Variants in HADHB observed in about 807,000 individuals in gnomAD.
The protein encoded by HADHB is hydroxyacyl-CoA dehydrogenase trifunctional multienzyme complex subunit beta.
HADHB carries 50 observed loss-of-function variants against 61.9 expected under a neutral mutation model. The observed-to-expected ratio is 0.81, with a 90% CI of 0.64 to 1.02. The LOEUF (loss-of-function observed/expected upper bound fraction) is 1.02, where lower values mean the gene tolerates loss of function less well. Ranked by LOEUF, HADHB falls within the 50% of genes least tolerant of loss-of-function variation. HADHB has a pLI of 0.00. For missense variants in HADHB, 504 were observed against 586.5 expected (o/e 0.86, Z 1.45); for synonymous variants, 191 against 201.6 (o/e 0.95, Z 0.45).
chr2:26,261,187 C>A, intron 3 of HADHB: 1 of 449,010 alleles, frequency 2.2e-6, no homozygotes, highest in Non-Finnish European at 4.0e-6. Context: ...TGTGGGATGT[C>A]CAAAACAACA....
intron 10 of HADHB, 110 bp downstream of exon 10, chr2:26,280,225 A>G (rs1574664600): frequency 1.1e-5 from 10 of 874,142 alleles, no homozygotes; most frequent in Middle Eastern, 5.0e-4. Context: ...GGTTAAAAAT[A>G]TAGTTATTCA....
chr2:26,277,417 G>A (rs993178520), intron 7 of HADHB, among the ~76,000 whole-genome samples: 1 of 151,548 alleles, frequency 6.6e-6, no homozygotes, highest in African/African-American at 2.4e-5. Flanking sequence ...TAAATTTTTT[G>A]TGGAGACGGG....
intron 6 of HADHB, among the ~76,000 whole-genome samples, chr2:26,274,501 T>A (rs1672465598): frequency 6.6e-6 from 1 of 152,234 alleles, no homozygotes; most frequent in African/African-American, 2.4e-5. Flanking sequence ...TGAGCAGGAC[T>A]GAAAGTATTT....
chr2:26,281,094 CATCATGGAACAA>C (rs1672769297), intron 10 of HADHB, among the ~76,000 whole-genome samples: 1 of 151,842 alleles, frequency 6.6e-6, no homozygotes. Flanking sequence ...TTCCTGTAAG[CATCATGGAACAA>C]ATCTACCACT....
intron 15 of HADHB, 47 bp from the exon 16 acceptor site, chr2:26,289,871 G>C (rs1265848578): frequency 7.5e-7 from 1 of 1,329,054 alleles, no homozygotes; most frequent in South Asian, 1.2e-5. Context: ...GTACTAGGTG[G>C]ATTCATCACC....
Position 26,273,695 on chromosome 2 carries a change from A to G in HADHB, c.299A>G (p.Tyr100Cys). ...RTSVPKEVVD[Y>C]IIFGTVIQEV... Reference sequence around the variant, plus strand: ...AGTGTCCCTAAGGAAGTAGTTGATTATATCATCTTTGGTACAGTTATTCAG... The same window carrying G: ...AGTGTCCCTAAGGAAGTAGTTGATTGTATCATCTTTGGTACAGTTATTCAG... Residue 100 changes from tyrosine (Y) to cysteine (C), a missense_variant, in exon 6 of 16, where the codon TAT becomes TGT. Coordinates refer to ENST00000317799, the MANE Select transcript of HADHB (RefSeq NM_000183.3). 6.2e-7 allele frequency: 1 copy of G among 1,610,354 alleles called. No homozygotes were observed. Among genetic ancestry groups the G allele is most frequent in the Non-Finnish European group, 8.5e-7 (1 of 1,176,664 alleles).
rs1671945036 is a variant in HADHB, at chr2:26,263,482, A to G, written c.209+3A>G. On this transcript the variant is annotated splice_donor_region_variant and intron_variant, in intron 4 of 15. Transcript: ENST00000317799. ...CCATTTTTGCTGTCTGGCACTTCGT[A>G]AGTATGACATGATCATATTATTTTT... is the stretch of plus-strand genomic sequence containing the variant. 1 of 1,529,884 alleles carries G rather than the reference A, an allele frequency of 6.5e-7. No homozygotes were observed. Among genetic ancestry groups the G allele is most frequent in the Non-Finnish European group, 9.1e-7 (1 of 1,103,116 alleles). The allele number at this position is 1,529,884 out of a possible 1,614,324, so 94.8% of individuals were successfully genotyped here.
At chr2:26,275,032 T>C (rs1274831205) in intron 6 of HADHB, among the ~76,000 whole-genome samples, 2 of 152,204 alleles carry the variant, frequency 1.3e-5, no homozygotes, top group Non-Finnish European at 2.9e-5. Context: ...AGGAGGTAGA[T>C]TCCCTCTGCC....
At chr2:26,260,158 G>A (rs1671802325) in intron 3 of HADHB, among the ~76,000 whole-genome samples, 2 of 146,438 alleles carry the variant, frequency 1.4e-5, no homozygotes, top group Admixed American at 7.0e-5. Flanking sequence ...CTCAGCTTAC[G>A]GCAACCTCCA....
At position 26,284,143 on chromosome 2, in the gene HADHB, T is replaced by C; in HGVS notation, c.1088T>C (p.Leu363Pro). The C allele has an allele frequency of 6.3e-7, 1 of 1,597,814 alleles. No individual in the cohort carries two copies. Among genetic ancestry groups the C allele is most frequent in the East Asian group, 2.2e-5 (1 of 44,750 alleles). Residue 363 changes from leucine (L) to proline (P), a missense_variant, in exon 13 of 16, where the codon CTA becomes CCA. Physicochemically the swap from Leu to Pro is moderately conservative, Grantham distance 98 (BLOSUM62 -3). Transcript: ENST00000317799. Reference protein sequence around the residue: ...LGPTYATPKVLEKAGLTMNDI... With the variant: ...LGPTYATPKVPEKAGLTMNDI... ...CCAACATATGCTACTCCAAAAGTTC[T>C]AGAAAAGGCAGGATTGACCATGAAT...
chr2:26,272,231 G>C (rs557958131), intron 5 of HADHB, among the ~76,000 whole-genome samples: 2 of 152,066 alleles, frequency 1.3e-5, no homozygotes, highest in Non-Finnish European at 2.9e-5. Context: ...TATAATGCTG[G>C]TTGTTGATAT....
Position 26,290,075 on chromosome 2 carries a change from C to G in HADHB, c.*122C>G. ...CCTCTTAGGAAAACAGTTCTTGTGG[C>G]CTTCTATTAAATAGTTTGCACTTAA... On this transcript the variant is annotated 3_prime_UTR_variant, in exon 16 of 16. Transcript: ENST00000317799. 1.3e-6 allele frequency: 1 copy of G among 794,394 alleles called. No individual in the cohort carries two copies. Among genetic ancestry groups the G allele is most frequent in the Non-Finnish European group, 2.3e-6 (1 of 441,674 alleles). The allele number at this position is 794,394 out of a possible 1,614,324, so 49.2% of individuals were successfully genotyped here. A position where few individuals can be genotyped will look rare whatever the true frequency, so the allele number is the denominator to read the frequency against.
chr2:26,284,027 G>A, intron 12 of HADHB, 90 bp from the exon 13 acceptor site: 2 of 746,708 alleles, frequency 2.7e-6, no homozygotes, highest in South Asian at 1.4e-5. Flanking sequence ...AGACATTAGA[G>A]TACCTATGTA....
At chr2:26,258,202 G>A (rs1488510823) in intron 3 of HADHB, among the ~76,000 whole-genome samples, 2 of 152,146 alleles carry the variant, frequency 1.3e-5, no homozygotes, top group Non-Finnish European at 2.9e-5. Flanking sequence ...CTGTTGAGCT[G>A]ATAACTCAAG....
intron 11 of HADHB, 32 bp downstream of exon 11, chr2:26,282,956 ATTTC>A: frequency 6.2e-7 from 1 of 1,600,686 alleles, no homozygotes; most frequent in African/African-American, 1.3e-5. Flanking sequence ...ATCATCTCTG[ATTTC>A]TTTATTTTAT....
chr2:26,268,387 G>A (rs192541765), intron 4 of HADHB, among the ~76,000 whole-genome samples: 16 of 152,280 alleles, frequency 1.1e-4, no homozygotes, highest in Admixed American at 3.3e-4. Context: ...CTCAGAATGT[G>A]GGCTAGACTT....
At chr2:26,257,941 C>A (rs951128458) in intron 3 of HADHB, among the ~76,000 whole-genome samples, 1 of 152,056 alleles carries the variant, frequency 6.6e-6, no homozygotes, top group African/African-American at 2.4e-5. Context: ...ATGGTGTGAA[C>A]CCTGGAGGCA....
chr2:26,268,335 CTG>C (rs1672186380), intron 4 of HADHB, among the ~76,000 whole-genome samples: 1 of 152,192 alleles, frequency 6.6e-6, no homozygotes, highest in African/African-American at 2.4e-5. Context: ...TCCGCAAAGT[CTG>C]TGTTATTCCT....
At chr2:26,253,021 G>C (rs1671463918) in intron 1 of HADHB, among the ~76,000 whole-genome samples, 1 of 152,004 alleles carries the variant, frequency 6.6e-6, no homozygotes. Context: ...TTATATCTGT[G>C]GTTTTAATTT....
Sources: gnomAD v4.1 joint callset for allele counts (sites outside exome capture counted in the v4.1 genomes callset) on GRCh38, gnomAD v4.1.1 for gene constraint, MANE v1.5 for transcripts, NCBI Gene and HGNC (gene_info 2026-07-23, HGNC 2026-07-21) for gene names.